Variants in SLC38A12 observed in about 807,000 individuals in gnomAD.
SLC38A12 encodes solute carrier family 38 member 12.
the SLC38A12 span, among the ~76,000 whole-genome samples, chr17:74,807,113 A>ACCCCCCCCCC: frequency 5.4e-5 from 4 of 73,962 alleles, no homozygotes; most frequent in Non-Finnish European, 1.1e-4. Flanking sequence ...ACACCCCCCC[A>ACCCCCCCCCC]CCCCACCCCG....
At chr17:74,832,644 G>A in the SLC38A12 span, among the ~76,000 whole-genome samples, 1 of 152,234 alleles carries the variant, frequency 6.6e-6, no homozygotes, top group Non-Finnish European at 1.5e-5. Context: ...CCCCAGAGCT[G>A]GTGGCATCTC....
the SLC38A12 span, chr17:74,838,346 A>C: frequency 1.0e-6 from 1 of 995,206 alleles, no homozygotes; most frequent in Non-Finnish European, 1.2e-6. Context: ...TGGTCAGGCC[A>C]AGAGCAAGGA....
the SLC38A12 span, among the ~76,000 whole-genome samples, chr17:74,812,489 C>T: frequency 1.0e-3 from 155 of 152,334 alleles, no homozygotes; most frequent in African/African-American, 3.3e-3. Flanking sequence ...TGAAAGTTCA[C>T]TTCCCATTTA....
the SLC38A12 span, among the ~76,000 whole-genome samples, chr17:74,833,605 C>T: frequency 3.9e-5 from 6 of 152,346 alleles, no homozygotes; most frequent in East Asian, 3.9e-4. Flanking sequence ...GAGCTGTGTC[C>T]AGGGCAGGAG....
the SLC38A12 span, chr17:74,791,180 G>A: frequency 4.5e-6 from 3 of 664,886 alleles, 1 homozygote; most frequent in South Asian, 5.7e-5. Context: ...CAGCACCTGA[G>A]AAGCCACCTT....
chr17:74,809,075 C>G, the SLC38A12 span, among the ~76,000 whole-genome samples: 2 of 152,180 alleles, frequency 1.3e-5, no homozygotes, highest in African/African-American at 4.8e-5. Flanking sequence ...TTTGTTGCCT[C>G]CCAGAGCTCC....
chr17:74,812,462 A>G, the SLC38A12 span, among the ~76,000 whole-genome samples: 13 of 152,224 alleles, frequency 8.5e-5, no homozygotes, highest in East Asian at 1.2e-3. Context: ...TTTCTTCACT[A>G]CACTTCAAGG....
the SLC38A12 span, among the ~76,000 whole-genome samples, chr17:74,821,769 T>G: frequency 6.6e-6 from 1 of 152,240 alleles, no homozygotes; most frequent in Non-Finnish European, 1.5e-5. Context: ...CCAGCTCCTG[T>G]GGCTCCCTGC....
chr17:74,784,672 A>G, the SLC38A12 span, among the ~76,000 whole-genome samples: 1 of 152,288 alleles, frequency 6.6e-6, no homozygotes, highest in African/African-American at 2.4e-5. Context: ...GGAGGAACTC[A>G]GGTCAGACAG....
the SLC38A12 span, among the ~76,000 whole-genome samples, chr17:74,787,361 A>G: frequency 0.58 from 85,715 of 147,910 alleles, 24,615 homozygotes; most frequent in Non-Finnish European, 0.61. Flanking sequence ...GGTGGCTCAC[A>G]CCTGTAATCC....
At chr17:74,836,994 C>G in the SLC38A12 span, 1 of 1,177,620 alleles carries the variant, frequency 8.5e-7, no homozygotes. This position sits in a 1 kb window ranked among gnomAD's most constrained non-coding sequence, Gnocchi z 4.2. Context: ...CGCTTCACCC[C>G]CAACCCTACT....
At chr17:74,784,038 TA>T in the SLC38A12 span, among the ~76,000 whole-genome samples, 99 of 145,990 alleles carry the variant, frequency 6.8e-4, no homozygotes, top group African/African-American at 1.5e-3. Context: ...CTTCATGCTT[TA>T]AAAAAAAAAA....
the SLC38A12 span, chr17:74,777,527 A>C: frequency 6.5e-7 from 1 of 1,540,612 alleles, no homozygotes; most frequent in Non-Finnish European, 8.8e-7. Context: ...CAGCGACTAC[A>C]GTGCTGCTGT....
chr17:74,798,049 C>T, the SLC38A12 span, among the ~76,000 whole-genome samples: 36 of 152,334 alleles, frequency 2.4e-4, no homozygotes, highest in Non-Finnish European at 4.6e-4. Flanking sequence ...CCAGATTTCA[C>T]TCAGTGTTCA....
the SLC38A12 span, among the ~76,000 whole-genome samples, chr17:74,799,707 T>G: frequency 6.6e-6 from 1 of 152,180 alleles, no homozygotes; most frequent in Non-Finnish European, 1.5e-5. Context: ...GACAGCCCTG[T>G]TTTTTCTCGC....
At chr17:74,805,376 C>T in the SLC38A12 span, among the ~76,000 whole-genome samples, 141 of 152,324 alleles carry the variant, frequency 9.3e-4, no homozygotes, top group African/African-American at 3.2e-3. This position sits in a 1 kb window ranked among gnomAD's most constrained non-coding sequence, Gnocchi z 5.0. Context: ...TTGTCACTTG[C>T]GGCTGACGGG....
At chr17:74,792,013 G>A in the SLC38A12 span, among the ~76,000 whole-genome samples, 2 of 152,084 alleles carry the variant, frequency 1.3e-5, no homozygotes, top group African/African-American at 4.8e-5. Context: ...GGGCATGGTG[G>A]CAGGCGCCTG....
chr17:74,816,052 C>G, the SLC38A12 span, among the ~76,000 whole-genome samples: 1 of 152,306 alleles, frequency 6.6e-6, no homozygotes, highest in African/African-American at 2.4e-5. Context: ...CCTTCCTGTC[C>G]AGAGGACAGA....
the SLC38A12 span, among the ~76,000 whole-genome samples, chr17:74,819,490 G>T: frequency 6.6e-6 from 1 of 152,232 alleles, no homozygotes; most frequent in African/African-American, 2.4e-5. Flanking sequence ...ATGACACCTG[G>T]GCCTTGCCTA....
Sources: allele counts gnomAD v4.1 joint callset (sites outside exome capture counted in the v4.1 genomes callset), GRCh38; gene constraint gnomAD v4.1.1; non-coding constraint Gnocchi (gnomAD v3.1); transcripts MANE v1.5; gene names NCBI Gene and HGNC (gene_info 2026-07-23, HGNC 2026-07-21).